EPG5: variants seen among roughly 807,000 people sequenced by gnomAD.
The protein encoded by EPG5 is ectopic P-granules 5 autophagy tethering factor, also known as ectopic P granules protein 5 homolog.
A neutral mutation model predicts 302.7 loss-of-function variants in EPG5; 159 were observed. The ratio of observed to expected loss-of-function variants is 0.53; its 90% CI spans 0.46 to 0.60. EPG5 has a LOEUF of 0.60. Among genes scored for constraint, EPG5 ranks in the 20% least tolerant of loss-of-function variants. The probability of loss-of-function intolerance (pLI) is 0.00; values close to 1 mark genes in which losing one functional copy is unlikely to be tolerated. For missense variants in EPG5, 2,896 were observed against 3,092.4 expected (o/e 0.94, Z 1.51); for synonymous variants, 1,158 against 1,136.8 (o/e 1.02, Z -0.37).
rs369940983 is a variant in EPG5, at chr18:45,882,485, G to A, written c.5307C>T (p.Phe1769=). 2.0e-5 allele frequency: 32 copies of A among 1,597,448 alleles called. No individual in the cohort carries two copies. Among genetic ancestry groups the A allele is most frequent in the African/African-American group, 5.4e-5 (4 of 73,758 alleles). ...TGGCGCTTAACCATTGTTTAAGATC[G>A]AACTAAAAAGAAAAAGAAACAAAAA... is the stretch of plus-strand genomic sequence containing the variant. ...SDMIFMLLTK[F]DLKQWLSATK... is the part of the protein sequence containing the mutation. The change falls in exon 31 of 44, where the codon TTC becomes TTT. Residue 1769 remains phenylalanine (F), a splice_region_variant and synonymous_variant. Coordinates refer to ENST00000282041, the MANE Select transcript of EPG5 (RefSeq NM_020964.3).
chr18:45,802,493 C>G, the EPG5 span, among the ~76,000 whole-genome samples: 1 of 152,204 alleles, frequency 6.6e-6, no homozygotes, highest in South Asian at 2.1e-4. Flanking sequence ...GCACTCCAGC[C>G]TGGGCGACAG....
intron 11 of EPG5, among the ~76,000 whole-genome samples, chr18:45,931,905 C>G (rs2050405004): frequency 6.6e-6 from 1 of 151,298 alleles, no homozygotes; most frequent in South Asian, 2.1e-4. Flanking sequence ...GAACTTTTCA[C>G]AGTAAGAAGG....
intron 22 of EPG5, 86 bp downstream of exon 22, chr18:45,912,204 C>T (rs2049921109): frequency 1.6e-6 from 2 of 1,234,444 alleles, no homozygotes; most frequent in South Asian, 1.9e-5. Flanking sequence ...TTCCAACTCA[C>T]ACTCCACAGT....
chr18:45,859,600 C>T (rs1361269235), intron 40 of EPG5, among the ~76,000 whole-genome samples: 2 of 152,138 alleles, frequency 1.3e-5, no homozygotes, highest in Non-Finnish European at 2.9e-5. Context: ...GAAAGTAAAA[C>T]AGATTTTTAA....
intron 23 of EPG5, among the ~76,000 whole-genome samples, chr18:45,908,749 G>T (rs1005617226): frequency 5.3e-5 from 8 of 152,178 alleles, no homozygotes; most frequent in South Asian, 4.1e-4. Flanking sequence ...AGGAGTTCGA[G>T]ATAAGCCTGA....
At chr18:45,882,963 C>T (rs957054039) in intron 30 of EPG5, among the ~76,000 whole-genome samples, 1 of 148,960 alleles carries the variant, frequency 6.7e-6, no homozygotes, top group Non-Finnish European at 1.5e-5. Context: ...GCCGAGATCA[C>T]GCCATTGCAC....
At position 45,943,290 on chromosome 18, in the gene EPG5, G is replaced by A. The variant is rs371526822; in HGVS notation, c.1814C>T (p.Thr605Ile). Residue 605 changes from threonine (T) to isoleucine (I), a missense_variant, in exon 9 of 44, where the codon ACA becomes ATA. Thr to Ile is a moderately conservative substitution (Grantham distance 89). Coordinates refer to ENST00000282041, the MANE Select transcript of EPG5 (RefSeq NM_020964.3). ...KAKGDYLPET[T>I]RPQEMMKIFA... ...AATTTTCATCATCTCTTGAGGTCTT[G>A]TTGTTTCAGGTAAATAATCACCTAG... is the stretch of plus-strand genomic sequence containing the variant. The A allele has an allele frequency of 8.1e-6, 13 of 1,613,832 alleles. No homozygotes were observed. Among genetic ancestry groups the A allele is most frequent in the African/African-American group, 1.3e-5 (1 of 74,890 alleles).
chr18:45,948,362 A>C, intron 6 of EPG5, 141 bp downstream of exon 6: 1 of 686,802 alleles, frequency 1.5e-6, no homozygotes, highest in Non-Finnish European at 2.5e-6. Context: ...ATCAAACCCA[A>C]AGAAAATCTG....
chr18:45,869,054 C>CAA (rs139057138), intron 36 of EPG5, among the ~76,000 whole-genome samples: 1,232 of 98,352 alleles, frequency 0.013, 8 homozygotes, highest in South Asian at 0.017. Flanking sequence ...GACTCCGTCT[C>CAA]AAAAAAAAAA....
At chr18:45,942,680 G>C (rs1397908305) in intron 9 of EPG5, among the ~76,000 whole-genome samples, 1 of 152,148 alleles carries the variant, frequency 6.6e-6, no homozygotes, top group African/African-American at 2.4e-5. Context: ...AAGTTTTGTA[G>C]TTTTATGGAG....
intron 7 of EPG5, among the ~76,000 whole-genome samples, chr18:45,944,551 C>T (rs1414037445): frequency 6.6e-6 from 1 of 152,002 alleles, no homozygotes; most frequent in African/African-American, 2.4e-5. Context: ...GGTCAGGAGT[C>T]CAAGAGCAGC....
the EPG5 span, among the ~76,000 whole-genome samples, chr18:45,827,191 C>T: frequency 6.6e-6 from 1 of 152,222 alleles, no homozygotes; most frequent in African/African-American, 2.4e-5. Flanking sequence ...GCTGAGATTA[C>T]AGGTGTGAGC....
chr18:45,893,206 G>A (rs1442269946), intron 27 of EPG5, among the ~76,000 whole-genome samples: 1 of 152,136 alleles, frequency 6.6e-6, no homozygotes, highest in Non-Finnish European at 1.5e-5. Context: ...CTAGCTATGT[G>A]ACTTTGGCAA....
At chr18:45,920,486 AG>A (rs1255261875) in intron 16 of EPG5, among the ~76,000 whole-genome samples, 16 of 152,342 alleles carry the variant, frequency 1.1e-4, no homozygotes, top group African/African-American at 3.8e-4. Flanking sequence ...AAAGAAAAAA[AG>A]GCTTATTTGA....
At chr18:45,896,421 G>T (rs11082496) in intron 27 of EPG5, among the ~76,000 whole-genome samples, 1 of 152,062 alleles carries the variant, frequency 6.6e-6, no homozygotes, top group Non-Finnish European at 1.5e-5. Flanking sequence ...TTTCTAATGA[G>T]GTTAGGGCCA....
Position 45,848,570 on chromosome 18 carries a change from T to C in EPG5, c.*3897A>G, listed in dbSNP as rs1568085769. The stretch of plus-strand genomic sequence containing the variant: ...CCCCAGGGCTGGGGCCAGAATGAGG[T>C]AAAGGAGGCACCACGGGGGTAAACC... On this transcript the variant is annotated 3_prime_UTR_variant, in exon 44 of 44. Transcript: ENST00000282041. 1 of 152,206 alleles carries C rather than the reference T, an allele frequency of 6.6e-6. No homozygotes were observed. Among genetic ancestry groups the C allele is most frequent in the Non-Finnish European group, 1.5e-5 (1 of 68,036 alleles). The allele number at this position is 152,206 out of a possible 1,614,324, so 9.4% of individuals were successfully genotyped here.
In EPG5 at chr18:45,849,397, A is replaced by G. The variant is rs1442761318; in HGVS notation, c.*3070T>C. 6.6e-6 allele frequency: 1 copy of G among 152,338 alleles called. No homozygotes were observed. Among genetic ancestry groups the G allele is most frequent in the African/African-American group, 2.4e-5 (1 of 41,474 alleles). 9.4% of individuals were successfully genotyped at this position (152,338 alleles called of 1,614,324 possible). ...AGAGGAGAGGCAGGAGGATCCCTGC[A>G]GAGTGAGAGGGGCACTAGATGAACG... is the stretch of plus-strand genomic sequence containing the variant. On this transcript the variant is annotated 3_prime_UTR_variant, in exon 44 of 44. Coordinates refer to ENST00000282041, the MANE Select transcript of EPG5 (RefSeq NM_020964.3).
At chr18:45,965,606 T>C (rs1157990280) in intron 1 of EPG5, among the ~76,000 whole-genome samples, 1 of 152,222 alleles carries the variant, frequency 6.6e-6, no homozygotes, top group African/African-American at 2.4e-5. Context: ...AAATTACACC[T>C]GCTTTGGAAC....
chr18:45,924,754 T>C (rs1022612849), intron 14 of EPG5, among the ~76,000 whole-genome samples: 3 of 152,254 alleles, frequency 2.0e-5, no homozygotes, highest in Non-Finnish European at 2.9e-5. Context: ...TTTCCTCATT[T>C]GTTTAACCTT....
Sources: gnomAD v4.1 joint callset for allele counts (sites outside exome capture counted in the v4.1 genomes callset) on GRCh38, gnomAD v4.1.1 for gene constraint, MANE v1.5 for transcripts, NCBI Gene and HGNC (gene_info 2026-07-23, HGNC 2026-07-21) for gene names.